TNR: variants seen among roughly 807,000 people sequenced by gnomAD.
TNR encodes the protein tenascin R.
A neutral mutation model predicts 150.4 loss-of-function variants in TNR; 45 were observed. The ratio of observed to expected loss-of-function variants is 0.30; its 90% CI spans 0.24 to 0.38. The LOEUF (loss-of-function observed/expected upper bound fraction) is 0.38, where lower values mean the gene tolerates loss of function less well. Among genes scored for constraint, TNR ranks in the 10% least tolerant of loss-of-function variants. TNR has a pLI of 1.00. For synonymous variants in TNR, 687 were observed against 678.4 expected (o/e 1.01, Z -0.20); for missense variants, 1,544 against 1,759.1 (o/e 0.88, Z 2.19).
intron 1 of TNR, among the ~76,000 whole-genome samples, chr1:175,604,887 G>A (rs1025456540): frequency 1.3e-5 from 2 of 152,156 alleles, no homozygotes; most frequent in African/African-American, 2.4e-5. Context: ...GGGGAAGAAT[G>A]TCCAGAGAAA....
chr1:175,406,842 C>T (rs1336281857), intron 2 of TNR, 65 bp from the exon 3 acceptor site: 3 of 1,279,310 alleles, frequency 2.3e-6, no homozygotes, highest in Non-Finnish European at 3.2e-6. Flanking sequence ...TGGCTCTGCA[C>T]AAGCCTACAA....
At chr1:175,622,414 T>C (rs1161989031) in intron 1 of TNR, among the ~76,000 whole-genome samples, 1 of 152,228 alleles carries the variant, frequency 6.6e-6, no homozygotes, top group Non-Finnish European at 1.5e-5. Context: ...TCTGGCCACA[T>C]TGCTTTTCAT....
Position 175,653,243 on chromosome 1 carries a change from A to C in TNR, c.-165+89983T>G, listed in dbSNP as rs1215574551. 2.0e-5 allele frequency among the ~76,000 whole-genome samples: 3 copies of C among 152,238 alleles called. No individual in the cohort carries two copies. The East Asian group carries it at 5.8e-4, about 29-fold the overall frequency. On this transcript the variant is annotated intron_variant, in intron 1 of 22. Transcript: ENST00000367674. ...TTTGTGGCAGCTGGAAGTTGGAGTC[A>C]ATCTAGGTGTTCTGTCCTAGGAAAT...
chr1:175,344,307 C>A (rs1051105617), intron 18 of TNR, among the ~76,000 whole-genome samples: 3 of 152,124 alleles, frequency 2.0e-5, no homozygotes, highest in African/African-American at 7.2e-5. Context: ...AGGCTTTGAA[C>A]CTTTGTTACT....
rs137890452 is a variant in TNR at position 175,502,299 on chromosome 1, G to A, written c.-64+25970C>T. Reference sequence around the variant, plus strand: ...TGCAGAATGCTGGAGTGCTCTATTCGGAGCACTCCTCTTTGGGGCAGACAC... The same window carrying A: ...TGCAGAATGCTGGAGTGCTCTATTCAGAGCACTCCTCTTTGGGGCAGACAC... On this transcript the variant is annotated intron_variant, in intron 2 of 22. Coordinates refer to ENST00000367674, the MANE Select transcript of TNR (RefSeq NM_003285.3). Among the ~76,000 whole-genome samples the A allele has an allele frequency of 1.0e-3, 154 of 152,206 alleles. 1 individual carries two copies. Among genetic ancestry groups the A allele is most frequent in the African/African-American group, 3.2e-3 (131 of 41,530 alleles).
Position 175,337,514 on chromosome 1 carries a change from C to A in TNR, c.3534+14G>T, listed in dbSNP as rs372816265. The A allele has an allele frequency of 5.7e-5, 92 of 1,612,338 alleles. 1 individual carries two copies. Among genetic ancestry groups the A allele is most frequent in the Non-Finnish European group, 7.7e-5 (91 of 1,179,980 alleles). ...AGGACGCTTCTGTGCAAGGAGAGCA[C>A]AGATTGTACTTACAATCCAGCCGCC... On this transcript the variant is annotated intron_variant, in intron 19 of 22. Coordinates refer to ENST00000367674, the MANE Select transcript of TNR (RefSeq NM_003285.3).
At chr1:175,706,381 G>T (rs1434550386) in intron 1 of TNR, among the ~76,000 whole-genome samples, 1 of 152,110 alleles carries the variant, frequency 6.6e-6, no homozygotes, top group East Asian at 1.9e-4. Context: ...CCCTGAATTT[G>T]GAGTATTGGG....
At chr1:175,431,843 T>C (rs979744434) in intron 2 of TNR, among the ~76,000 whole-genome samples, 1 of 151,432 alleles carries the variant, frequency 6.6e-6, no homozygotes, top group Non-Finnish European at 1.5e-5. Context: ...AGTCTTCAGC[T>C]CTCACAGGGG....
intron 1 of TNR, among the ~76,000 whole-genome samples, chr1:175,611,789 C>A (rs1431300596): frequency 6.6e-6 from 1 of 152,148 alleles, no homozygotes; most frequent in Non-Finnish European, 1.5e-5. Context: ...GACGCATAGT[C>A]TCTACCATCA....
At chr1:175,378,618 G>A (rs999851400) in intron 9 of TNR, among the ~76,000 whole-genome samples, 1 of 152,220 alleles carries the variant, frequency 6.6e-6, no homozygotes, top group African/African-American at 2.4e-5. Context: ...GCTAGATGAA[G>A]AGGTTCCCAT....
intron 2 of TNR, 106 bp from the exon 3 acceptor site, chr1:175,406,883 AG>A (rs60974501): frequency 0.65 from 470,606 of 725,654 alleles, 156,901 homozygotes; most frequent in East Asian, 0.83. Context: ...GAGATTTTCA[AG>A]GGGGGGGCGT....
chr1:175,706,976 GAGA>G (rs2101931796), intron 1 of TNR, among the ~76,000 whole-genome samples: 1 of 152,292 alleles, frequency 6.6e-6, no homozygotes, highest in East Asian at 1.9e-4. Flanking sequence ...CATGAGTGGT[GAGA>G]AGCTTACGGT....
rs368204834 is a variant in TNR, at chr1:175,363,844, A to G, written c.2588-17T>C. ...GATCAATTCCTACAAGGACCCAGTGATTGTGGGAAAAAGACAGAAAGCACA... is the reference window on the plus strand; with the variant it reads ...GATCAATTCCTACAAGGACCCAGTGGTTGTGGGAAAAAGACAGAAAGCACA... On this transcript the variant is annotated splice_polypyrimidine_tract_variant and intron_variant, in intron 12 of 22. Transcript: ENST00000367674. 6 of 1,598,840 alleles carry G rather than the reference A, an allele frequency of 3.8e-6. 1 individual carries two copies. In the South Asian group the frequency reaches 5.6e-5, roughly 15 times the overall value.
At chr1:175,696,375 G>A (rs953920448) in intron 1 of TNR, among the ~76,000 whole-genome samples, 3 of 151,944 alleles carry the variant, frequency 2.0e-5, no homozygotes, top group Non-Finnish European at 4.4e-5. Flanking sequence ...TTAACACGTG[G>A]AGAGCAGGGT....
At chr1:175,337,443 G>C in intron 19 of TNR, 85 bp downstream of exon 19, 1 of 1,527,642 alleles carries the variant, frequency 6.5e-7, no homozygotes, top group Middle Eastern at 2.4e-4. Flanking sequence ...CAGGAGGATG[G>C]TGAAGTTGGC....
chr1:175,400,869 T>C (rs1275645185), intron 4 of TNR, among the ~76,000 whole-genome samples: 1 of 152,160 alleles, frequency 6.6e-6, no homozygotes, highest in African/African-American at 2.4e-5. Context: ...GCACTTTAGA[T>C]AATGACCTAG....
rs772521138 is a variant in TNR, at chr1:175,379,732, C to T, written c.1783G>A (p.Asp595Asn). 1.7e-5 allele frequency: 28 copies of T among 1,613,800 alleles called. No individual in the cohort carries two copies. In the East Asian group the frequency reaches 1.8e-4, roughly 10 times the overall value. The part of the protein sequence containing the change: ...SATTQFTTEI[D>N]APKNLRVGSR... ...CCAACTCGCAAGTTCTTGGGGGCATCGATCTCTAAAAATAGACAGACATCA... is the reference window on the plus strand; with the variant it reads ...CCAACTCGCAAGTTCTTGGGGGCATTGATCTCTAAAAATAGACAGACATCA... Residue 595 changes from aspartate to asparagine, a missense_variant, in exon 9 of 23, where the codon GAT becomes AAT. Asp to Asn is a conservative substitution (Grantham distance 23). Coordinates refer to ENST00000367674, the MANE Select transcript of TNR (RefSeq NM_003285.3).
chr1:175,525,925 T>C (rs907275637), intron 2 of TNR, among the ~76,000 whole-genome samples: 1 of 152,152 alleles, frequency 6.6e-6, no homozygotes, highest in African/African-American at 2.4e-5. Context: ...GTTGGGGCAG[T>C]ATAGCAAGCA....
intron 2 of TNR, among the ~76,000 whole-genome samples, chr1:175,506,670 G>A (rs1658970533): frequency 6.6e-6 from 1 of 152,212 alleles, no homozygotes; most frequent in African/African-American, 2.4e-5. Context: ...TTTGATCTTG[G>A]ACTTCAGCCT....
Sources: gnomAD v4.1 joint callset for allele counts (sites outside exome capture counted in the v4.1 genomes callset) on GRCh38, gnomAD v4.1.1 for gene constraint, MANE v1.5 for transcripts, NCBI Gene and HGNC (gene_info 2026-07-23, HGNC 2026-07-21) for gene names.